The following FLT3 variants were observed in gnomAD, a reference collection of about 807,000 sequenced individuals.
FLT3 encodes fms related receptor tyrosine kinase 3.
FLT3 carries 46 observed loss-of-function variants against 126.6 expected under a neutral mutation model. The ratio of observed to expected loss-of-function variants is 0.36; its 90% CI spans 0.29 to 0.46. The LOEUF is 0.46. Among genes scored for constraint, FLT3 ranks in the 20% least tolerant of loss-of-function variants. FLT3 has a pLI of 1.00. For missense variants in FLT3, 1,069 were observed against 1,190.3 expected, an observed-to-expected ratio of 0.90 and a Z score of 1.50; for synonymous variants, 404 against 434.4, an observed-to-expected ratio of 0.93 and a Z score of 0.87.
Position 28,028,312 on chromosome 13 carries a change from A to C in FLT3, c.1943-24T>G, listed in dbSNP as rs750671535. 2.4e-6 allele frequency: 3 copies of C among 1,240,342 alleles called. No homozygotes were observed. The South Asian group carries it at 3.6e-5, about 15-fold the overall frequency. The allele number at this position is 1,240,342 out of a possible 1,614,324, so 76.8% of individuals were successfully genotyped here. A position where few individuals can be genotyped will look rare whatever the true frequency, so the allele number is the denominator to read the frequency against. The stretch of plus-strand genomic sequence containing the variant: ...TTCTGTCAAAGAAAGGAGCATTAAA[A>C]ATGTAAAACTCAAGTAAAATACGAA... On this transcript the variant is annotated intron_variant, in intron 15 of 23. Transcript: ENST00000241453.
chr13:28,034,987 T>G (rs531671745), intron 12 of FLT3, among the ~76,000 whole-genome samples: 9 of 151,472 alleles, frequency 5.9e-5, no homozygotes, highest in African/African-American at 1.7e-4. Context: ...GATGTACAAG[T>G]CAGAGAAAAA....
chr13:28,014,700 A>G, intron 22 of FLT3, 143 bp from the exon 23 acceptor site: 1 of 606,808 alleles, frequency 1.6e-6, no homozygotes, highest in Admixed American at 2.9e-5. Flanking sequence ...CCTCTACCAG[A>G]TTTTGAATTC....
intron 4 of FLT3, among the ~76,000 whole-genome samples, chr13:28,054,230 T>C (rs1182922707): frequency 2.0e-5 from 3 of 152,206 alleles, no homozygotes; most frequent in Non-Finnish European, 4.4e-5. Flanking sequence ...TATTGCTTTA[T>C]AGACTTACCA....
chr13:28,098,396 C>T (rs1879612177), intron 1 of FLT3, among the ~76,000 whole-genome samples: 1 of 151,122 alleles, frequency 6.6e-6, no homozygotes, highest in African/African-American at 2.4e-5. Flanking sequence ...GAATTTAAGG[C>T]TATTAACCAT....
chr13:28,006,731 T>C (rs1344905255), intron 23 of FLT3, among the ~76,000 whole-genome samples: 1 of 148,690 alleles, frequency 6.7e-6, no homozygotes, highest in Non-Finnish European at 1.5e-5. Context: ...TTCTTTCCTT[T>C]TTTTTTTTTT....
chr13:28,094,480 A>C (rs770192150), intron 1 of FLT3, among the ~76,000 whole-genome samples: 1 of 152,092 alleles, frequency 6.6e-6, no homozygotes, highest in Non-Finnish European at 1.5e-5. Context: ...CACTGTGTGC[A>C]CTTTATATAT....
chr13:28,050,281 C>T (rs972428372), intron 5 of FLT3, 59 bp from the exon 6 acceptor site: 10 of 1,552,588 alleles, frequency 6.4e-6, no homozygotes, highest in African/African-American at 1.4e-5. Context: ...CAAATGAATG[C>T]TCAAGAGGAG....
chr13:28,018,726 G>A (rs376562946), intron 19 of FLT3, 137 bp from the exon 20 acceptor site: 365 of 856,414 alleles, frequency 4.3e-4, no homozygotes, highest in Admixed American at 8.3e-4. Context: ...TGCCGTGAGC[G>A]GCCATGATGA....
intron 3 of FLT3, among the ~76,000 whole-genome samples, chr13:28,058,373 G>A (rs933640139): frequency 6.6e-6 from 1 of 151,628 alleles, no homozygotes; most frequent in South Asian, 2.1e-4. Context: ...TTAGCTGGGT[G>A]GGGTGGCGCA....
intron 4 of FLT3, among the ~76,000 whole-genome samples, chr13:28,053,176 AC>A (rs2137743250): frequency 1.3e-4 from 1 of 7,788 alleles, no homozygotes; most frequent in African/African-American, 3.1e-4. Context: ...ACCCTGGATC[AC>A]ACACACACAC....
intron 19 of FLT3, among the ~76,000 whole-genome samples, chr13:28,022,891 C>A (rs1437647707): frequency 2.0e-5 from 3 of 152,220 alleles, no homozygotes; most frequent in Non-Finnish European, 4.4e-5. Context: ...AGGCAGTGAG[C>A]CTGCAGGACT....
chr13:28,009,125 C>T (rs1006575575), intron 23 of FLT3, among the ~76,000 whole-genome samples: 2 of 151,078 alleles, frequency 1.3e-5, no homozygotes, highest in Admixed American at 1.3e-4. Flanking sequence ...TACAAGCTTG[C>T]ACCACCACAC....
chr13:28,043,592 C>T (rs976941827), intron 9 of FLT3, among the ~76,000 whole-genome samples: 6 of 152,112 alleles, frequency 3.9e-5, no homozygotes, highest in Admixed American at 1.3e-4. Flanking sequence ...AAACCAAATT[C>T]GGTTCAATTA....
chr13:28,018,535 C>T lies in FLT3; in HGVS notation c.2473G>A (p.Val825Met), dbSNP rs1872095591. Residue 825 changes from valine (V) to methionine (M), a missense_variant, in exon 20 of 24, where the codon GTG becomes ATG. By Grantham distance (21) the Val-to-Met change is conservative. Transcript: ENST00000241453. ...RNVLVTHGKVVKICDFGLARD... is the reference protein window; with the variant it reads ...RNVLVTHGKVMKICDFGLARD... ...GCCAATCCAAAGTCACATATCTTCA[C>T]CACTTTCCCGTGGGTGACAAGCACG... 1 of 1,614,180 alleles carries T rather than the reference C, an allele frequency of 6.2e-7. No individual in the cohort carries two copies. Among genetic ancestry groups the T allele is most frequent in the Non-Finnish European group, 8.5e-7 (1 of 1,180,020 alleles).
In FLT3 at chr13:28,004,189, G is replaced by C. The variant is rs376024436; in HGVS notation, c.2860-15C>G. ...TTCTGATACATCTGAATGTGGGAAA[G>C]AGACAGAACACTGATTACCATCTGA... On this transcript the variant is annotated splice_polypyrimidine_tract_variant and intron_variant, in intron 23 of 23. Transcript: ENST00000241453. The C allele has an allele frequency of 1.9e-6, 3 of 1,613,538 alleles. No homozygotes were observed. The highest frequency in any genetic ancestry group is 2.5e-6 in the Non-Finnish European group (3 of 1,179,748).
Position 28,049,388 on chromosome 13 carries a change from G to A in FLT3, c.1032C>T (p.Ile344=), listed in dbSNP as rs146983744. The change falls in exon 8 of 24, where the codon ATC becomes ATT. Residue 344 remains isoleucine, a synonymous_variant. Transcript: ENST00000241453. ...TGTGTGAGCAGCCTGCATTACCTAC[G>A]ATGGTAACCAAAGCTGATTGACTGG... The part of the protein sequence containing the change: ...KHPSQSALVT[I]VEKGFINATN... 9.4e-4 allele frequency: 1,509 copies of A among 1,613,002 alleles called. 1 individual carries two copies. The highest frequency in any genetic ancestry group is 1.1e-3 in the Non-Finnish European group (1,309 of 1,179,650).
intron 20 of FLT3, among the ~76,000 whole-genome samples, chr13:28,016,819 G>T (rs75672611): frequency 6.6e-6 from 1 of 152,206 alleles, no homozygotes; most frequent in Non-Finnish European, 1.5e-5. Flanking sequence ...AGCAGTCTAT[G>T]ATGAGTAGGA....
Position 28,087,428 on chromosome 13 carries a change from T to C in FLT3, c.43+13040A>G, listed in dbSNP as rs151052976. Among the ~76,000 whole-genome samples the C allele has an allele frequency of 8.1e-4, 123 of 152,358 alleles. 1 individual carries two copies. The highest frequency in any genetic ancestry group is 2.9e-3 in the African/African-American group (119 of 41,580). On this transcript the variant is annotated intron_variant, in intron 1 of 23. Transcript: ENST00000241453. ...GAAGTCTGCCAAATGAATGTATCTT[T>C]TTTTCTCTGGATGCTTTTAAGATTT...
Position 28,100,458 on chromosome 13 carries a change from G to A in FLT3, c.43+10C>T, listed in dbSNP as rs1470774381. ...CGCGAGGGGCTGCGAGCGAGCGAGC[G>A]GGGCCTTACCGAGCAGCGGCAGCTG... On this transcript the variant is annotated intron_variant, in intron 1 of 23. Coordinates refer to ENST00000241453, the MANE Select transcript of FLT3 (RefSeq NM_004119.3). The surrounding 1 kb of genome is among the most constrained non-coding windows in gnomAD (Gnocchi z 4.8). 19 of 1,217,344 alleles carry A rather than the reference G, an allele frequency of 1.6e-5. No individual in the cohort carries two copies. In the East Asian group the frequency reaches 5.9e-4, roughly 38 times the overall value. 75.4% of individuals were successfully genotyped at this position (1,217,344 alleles called of 1,614,324 possible). A position where few individuals can be genotyped will look rare whatever the true frequency, so the allele number is the denominator to read the frequency against.
Sources: gnomAD v4.1 joint callset for allele counts (sites outside exome capture counted in the v4.1 genomes callset) on GRCh38, gnomAD v4.1.1 for gene constraint, Gnocchi (gnomAD v3.1) non-coding constraint, MANE v1.5 for transcripts, NCBI Gene and HGNC (gene_info 2026-07-23, HGNC 2026-07-21) for gene names.